PPP2R2C: variants seen among roughly 807,000 people sequenced by gnomAD.
PPP2R2C encodes the protein protein phosphatase 2, regulatory subunit B, gamma.
In PPP2R2C, 10 loss-of-function variants were observed where a neutral mutation model predicts 45.3. That is an observed-to-expected ratio of 0.22 (90% CI 0.14 to 0.37). The LOEUF is 0.37. Among genes scored for constraint, PPP2R2C ranks in the 10% least tolerant of loss-of-function variants. The pLI, the probability that PPP2R2C is intolerant of heterozygous loss-of-function variation, is 1.00. For synonymous variants in PPP2R2C, 257 were observed against 245.4 expected (o/e 1.05, Z -0.44); for missense variants, 308 against 619.7 (o/e 0.50, Z 5.34).
intron 1 of PPP2R2C, among the ~76,000 whole-genome samples, chr4:6,453,693 G>A (rs554971109): frequency 2.7e-4 from 41 of 152,296 alleles, no homozygotes; most frequent in Non-Finnish European, 4.1e-4. Flanking sequence ...TGGGGAGGTC[G>A]GTGTGTCCTT....
chr4:6,488,179 T>A lies in PPP2R2C; in HGVS notation c.49+47092A>T, dbSNP rs1722587442. On this transcript the variant is annotated intron_variant, in intron 2 of 9. Transcript: ENST00000506140. ...TAAGTGTTTTGATGACCTTGTCTGC[T>A]AATTTTAACATCTGTGTCAATTCTG... Among the ~76,000 whole-genome samples, 4 of 152,238 alleles carry A rather than the reference T, an allele frequency of 2.6e-5. No individual in the cohort carries two copies. The South Asian group carries it at 8.3e-4, about 32-fold the overall frequency.
intron 1 of PPP2R2C, among the ~76,000 whole-genome samples, chr4:6,393,911 C>A (rs1716834754): frequency 6.6e-6 from 1 of 152,214 alleles, no homozygotes; most frequent in East Asian, 1.9e-4. Flanking sequence ...GCACGACCAA[C>A]CCTCCATCGG....
intron 5 of PPP2R2C, among the ~76,000 whole-genome samples, chr4:6,360,100 C>G (rs974238843): frequency 3.3e-5 from 5 of 152,344 alleles, no homozygotes; most frequent in South Asian, 2.1e-4. Flanking sequence ...CTAGCACAGA[C>G]CAGTCAAATA....
chr4:6,349,880 ACT>A (rs1160130383), intron 5 of PPP2R2C: 2 of 982,616 alleles, frequency 2.0e-6, no homozygotes, highest in Non-Finnish European at 2.4e-6. Flanking sequence ...ACAGGGCAAG[ACT>A]CTGTCAAAAA....
intron 2 of PPP2R2C, among the ~76,000 whole-genome samples, chr4:6,516,601 TG>T (rs1286187346): frequency 6.6e-6 from 1 of 152,230 alleles, no homozygotes; most frequent in Non-Finnish European, 1.5e-5. Flanking sequence ...GAGCGTGTGC[TG>T]CCTGTCGTGG....
chr4:6,427,864 C>T (rs1196211546), intron 1 of PPP2R2C, among the ~76,000 whole-genome samples: 1 of 152,178 alleles, frequency 6.6e-6, no homozygotes, highest in Non-Finnish European at 1.5e-5. Context: ...TCTGCACAGC[C>T]ACCGGGCACA....
At chr4:6,426,505 G>A (rs73206184) in intron 1 of PPP2R2C, among the ~76,000 whole-genome samples, 5,927 of 152,276 alleles carry the variant, frequency 0.039, 174 homozygotes, top group Non-Finnish European at 0.062. Context: ...GCAGCCACTC[G>A]GTCGGTGCAG....
chr4:6,444,685 T>TG (rs1421289685), intron 1 of PPP2R2C, among the ~76,000 whole-genome samples: 1 of 152,216 alleles, frequency 6.6e-6, no homozygotes, highest in Non-Finnish European at 1.5e-5. Flanking sequence ...AAGCTGCACA[T>TG]GGAGAGAGAA....
intron 2 of PPP2R2C, among the ~76,000 whole-genome samples, chr4:6,495,045 T>C (rs1015580500): frequency 6.6e-6 from 1 of 152,100 alleles, no homozygotes; most frequent in South Asian, 2.1e-4. Context: ...AACAAGCTGG[T>C]GGGCACAGCC....
chr4:6,414,076 A>ATGTGTGTGTGTGTG (rs71173440), intron 1 of PPP2R2C: 77 of 882,374 alleles, frequency 8.7e-5, no homozygotes, highest in South Asian at 1.2e-4. Context: ...TTGCCTGTGT[A>ATGTGTGTGTGTGTG]TGTGTGTGTG....
chr4:6,371,862 T>C (rs896399176), intron 5 of PPP2R2C, among the ~76,000 whole-genome samples: 1 of 152,178 alleles, frequency 6.6e-6, no homozygotes, highest in Non-Finnish European at 1.5e-5. Context: ...TGCAGAATAG[T>C]GACATCACAG....
At chr4:6,414,850 C>T (rs1049816910) in intron 1 of PPP2R2C, among the ~76,000 whole-genome samples, 5 of 152,144 alleles carry the variant, frequency 3.3e-5, no homozygotes, top group African/African-American at 9.7e-5. Context: ...TCTGAAAGCC[C>T]GGATGAAAAG....
chr4:6,364,712 G>A lies in PPP2R2C; in HGVS notation c.625+7811C>T, dbSNP rs886598041. ...CACAGAGAACCCAAGTGAGCTGCCCGAGGCCGCGGAGTCCCTATGTCTTGG... is the reference window on the plus strand; with the variant it reads ...CACAGAGAACCCAAGTGAGCTGCCCAAGGCCGCGGAGTCCCTATGTCTTGG... On this transcript the variant is annotated intron_variant, in intron 5 of 8. Coordinates refer to ENST00000382599, the MANE Select transcript of PPP2R2C (RefSeq NM_020416.4). This position sits in a 1 kb window ranked among gnomAD's most constrained non-coding sequence, Gnocchi z 5.3. Among the ~76,000 whole-genome samples the A allele has an allele frequency of 1.3e-5, 2 of 152,154 alleles. No individual in the cohort carries two copies. The highest frequency in any genetic ancestry group is 3.8e-4 in the East Asian group (2 of 5,196).
At chr4:6,401,121 A>G (rs550043419) in intron 1 of PPP2R2C, among the ~76,000 whole-genome samples, 128 of 152,316 alleles carry the variant, frequency 8.4e-4, no homozygotes, top group South Asian at 4.8e-3. Context: ...ACATGAAAAC[A>G]AGTCTCAAAT....
In PPP2R2C at chr4:6,479,698, C is replaced by T. The variant is rs150526866; in HGVS notation, c.49+55573G>A. Among the ~76,000 whole-genome samples the T allele has an allele frequency of 2.1e-3, 318 of 150,930 alleles. 1 individual carries two copies. The highest frequency in any genetic ancestry group is 7.2e-3 in the African/African-American group (297 of 41,198). On this transcript the variant is annotated intron_variant, in intron 2 of 9. Transcript: ENST00000506140. Reference sequence around the variant, plus strand: ...GTGTGTTATCCCAGGACCTTTTCAACGTAGAGTTTTGTTTTTACATAATCA... The same window carrying T: ...GTGTGTTATCCCAGGACCTTTTCAATGTAGAGTTTTGTTTTTACATAATCA...
intron 1 of PPP2R2C, chr4:6,381,932 G>A (rs1560500642): frequency 6.4e-7 from 1 of 1,553,586 alleles, no homozygotes; most frequent in South Asian, 1.2e-5. Context: ...TCACAGAGAT[G>A]AGTGGCCTGC....
chr4:6,443,129 C>T (rs76326623), intron 1 of PPP2R2C, among the ~76,000 whole-genome samples: 12,766 of 152,156 alleles, frequency 0.084, 868 homozygotes, highest in East Asian at 0.37. Context: ...TTTTTTTAAA[C>T]CTCTGGGAGA....
At chr4:6,464,530 C>A (rs915756441) in intron 1 of PPP2R2C, among the ~76,000 whole-genome samples, 2 of 152,198 alleles carry the variant, frequency 1.3e-5, no homozygotes, top group African/African-American at 4.8e-5. Flanking sequence ...TAACAGGGAT[C>A]AGCCAATACC....
intron 2 of PPP2R2C, among the ~76,000 whole-genome samples, chr4:6,528,865 T>C (rs958718291): frequency 3.9e-5 from 6 of 152,280 alleles, no homozygotes; most frequent in African/African-American, 7.2e-5. Flanking sequence ...GTAATTTTCC[T>C]TTACCTACCC....
Sources: gnomAD v4.1 joint callset for allele counts (sites outside exome capture counted in the v4.1 genomes callset) on GRCh38, gnomAD v4.1.1 for gene constraint, Gnocchi (gnomAD v3.1) non-coding constraint, MANE v1.5 for transcripts, NCBI Gene and HGNC (gene_info 2026-07-23, HGNC 2026-07-21) for gene names.